The following NMNAT2 variants were observed in gnomAD, a reference collection of about 807,000 sequenced individuals.
The protein encoded by NMNAT2 is nicotinamide/nicotinic acid mononucleotide adenylyltransferase 2.
NMNAT2 carries 11 observed loss-of-function variants against 41.6 expected under a neutral mutation model. That is an observed-to-expected ratio of 0.26 (90% CI 0.17 to 0.44). The LOEUF (loss-of-function observed/expected upper bound fraction) is 0.44. Ranked by LOEUF, NMNAT2 falls within the 20% of genes least tolerant of loss-of-function variation. NMNAT2 has a pLI of 1.00. For synonymous variants in NMNAT2, 148 were observed against 151.2 expected (o/e 0.98, Z 0.16); for missense variants, 288 against 407.7 (o/e 0.71, Z 2.53).
chr1:183,407,393 T>C (rs369258298), intron 1 of NMNAT2, among the ~76,000 whole-genome samples: 2 of 152,206 alleles, frequency 1.3e-5, no homozygotes, highest in East Asian at 1.9e-4. Flanking sequence ...TTTTTTTGGT[T>C]CTGTCTTGCT....
At chr1:183,267,246 A>G (rs919766087) in intron 8 of NMNAT2, 2 of 152,262 alleles carry the variant, frequency 1.3e-5, no homozygotes, top group Non-Finnish European at 2.9e-5. Flanking sequence ...GCTGGTGGAT[A>G]AAAGCCACTG....
At chr1:183,286,940 G>A (rs761107224) in intron 4 of NMNAT2, 152 bp from the exon 5 acceptor site, 1 of 664,110 alleles carries the variant, frequency 1.5e-6, no homozygotes, top group Non-Finnish European at 2.4e-6. Flanking sequence ...GCTGCATCAT[G>A]TGGTCACTAG....
At chr1:183,295,773 C>T (rs1661674496) in intron 1 of NMNAT2, among the ~76,000 whole-genome samples, 1 of 152,114 alleles carries the variant, frequency 6.6e-6, no homozygotes, top group South Asian at 2.1e-4. Flanking sequence ...AGTATGTACC[C>T]TCTTTGGACT....
chr1:183,288,083 C>T (rs2480767), intron 4 of NMNAT2, among the ~76,000 whole-genome samples: 50,173 of 152,142 alleles, frequency 0.33, 8,418 homozygotes, highest in South Asian at 0.37. Context: ...TTTATTACTT[C>T]ACCACCAGAA....
chr1:183,395,713 C>T (rs548024073), intron 1 of NMNAT2, among the ~76,000 whole-genome samples: 1 of 152,228 alleles, frequency 6.6e-6, no homozygotes, highest in East Asian at 1.9e-4. Context: ...TCATTTAATT[C>T]TTACAACAGT....
intron 1 of NMNAT2, among the ~76,000 whole-genome samples, chr1:183,328,697 A>G (rs1662518282): frequency 6.6e-6 from 1 of 152,224 alleles, no homozygotes; most frequent in African/African-American, 2.4e-5. Flanking sequence ...CTGCACCAAC[A>G]AACCTTTGCC....
chr1:183,301,827 C>T (rs919970303), intron 1 of NMNAT2, among the ~76,000 whole-genome samples: 2 of 152,242 alleles, frequency 1.3e-5, no homozygotes, highest in African/African-American at 2.4e-5. Flanking sequence ...GTGTAATCTA[C>T]TCCTTCCTTC....
chr1:183,275,611 T>A (rs935628683), intron 8 of NMNAT2, among the ~76,000 whole-genome samples: 3 of 151,864 alleles, frequency 2.0e-5, no homozygotes, highest in Non-Finnish European at 4.4e-5. Context: ...ATGGGTGTCC[T>A]GGGACTCCAG....
intron 1 of NMNAT2, among the ~76,000 whole-genome samples, chr1:183,322,151 T>C (rs948948674): frequency 2.0e-5 from 3 of 152,168 alleles, no homozygotes; most frequent in Admixed American, 6.5e-5. Context: ...ATGCCTTTAA[T>C]AACCCTCACA....
intron 1 of NMNAT2, among the ~76,000 whole-genome samples, chr1:183,329,240 GTGTGTGTGTA>G (rs1017312652): frequency 6.6e-6 from 1 of 152,082 alleles, no homozygotes; most frequent in Non-Finnish European, 1.5e-5. Context: ...TTTTAATTGT[GTGTGTGTGTA>G]TGTGTGTGTG....
In NMNAT2 at chr1:183,249,390, A is replaced by G. The variant is rs1282140785; in HGVS notation, c.*3251T>C. 2.0e-5 allele frequency: 3 copies of G among 151,998 alleles called. No individual in the cohort carries two copies. Among genetic ancestry groups the G allele is most frequent in the Admixed American group, 1.3e-4 (2 of 15,256 alleles). The allele number at this position is 151,998 out of a possible 1,614,324, so 9.4% of individuals were successfully genotyped here. On this transcript the variant is annotated 3_prime_UTR_variant, in exon 11 of 11. Coordinates refer to ENST00000287713, the MANE Select transcript of NMNAT2 (RefSeq NM_015039.4). ...CCACTTTCAGAAAAATGGGAGAGAC[A>G]TTTTTTGCTGGTGAACAGGAAACAA...
chr1:183,280,450 C>T (rs980452967), intron 7 of NMNAT2, among the ~76,000 whole-genome samples: 9 of 151,964 alleles, frequency 5.9e-5, no homozygotes, highest in African/African-American at 1.9e-4. Flanking sequence ...TGCAGTGACA[C>T]GATCTTGGCT....
At chr1:183,304,636 C>G in intron 1 of NMNAT2, 1 of 1,600,602 alleles carries the variant, frequency 6.2e-7, no homozygotes, top group Non-Finnish European at 8.6e-7. Context: ...CTGCCCCGCC[C>G]TCATGCCATG....
intron 1 of NMNAT2, among the ~76,000 whole-genome samples, chr1:183,305,716 C>CTTTTT (rs5741563): frequency 4.9e-5 from 6 of 123,162 alleles, no homozygotes; most frequent in Admixed American, 8.9e-5. Context: ...CCTTTACAGC[C>CTTTTT]TTTTTTTTTT....
intron 1 of NMNAT2, among the ~76,000 whole-genome samples, chr1:183,386,266 A>G (rs902393594): frequency 2.6e-5 from 4 of 152,176 alleles, no homozygotes; most frequent in East Asian, 3.9e-4. Context: ...AAAGCCATAT[A>G]TATCCAAATA....
In NMNAT2 at chr1:183,290,477, T is replaced by C. The variant is rs960008668; in HGVS notation, c.243-271A>G. Among the ~76,000 whole-genome samples the C allele has an allele frequency of 3.4e-4, 52 of 152,146 alleles. 1 individual carries two copies. The highest frequency in any genetic ancestry group is 4.4e-5 in the Non-Finnish European group (3 of 68,026). ...TTCCAGCCTCAGCTCTTTGCAACTG[T>C]GTGGCTTTGGGAAAGTTATGTGATC... On this transcript the variant is annotated intron_variant, in intron 3 of 10. Transcript: ENST00000287713.
chr1:183,405,732 AAC>A (rs1236224221), intron 1 of NMNAT2, among the ~76,000 whole-genome samples: 1 of 152,194 alleles, frequency 6.6e-6, no homozygotes, highest in Non-Finnish European at 1.5e-5. Context: ...ACTTCAAGAG[AAC>A]TTGTTTTAAA....
At chr1:183,380,432 T>C (rs1019116409) in intron 1 of NMNAT2, among the ~76,000 whole-genome samples, 1 of 152,228 alleles carries the variant, frequency 6.6e-6, no homozygotes. Flanking sequence ...CTTAAGTGTA[T>C]AGTTCAATAC....
At position 183,257,373 on chromosome 1, in the gene NMNAT2, G is replaced by A. The variant is rs193108078; in HGVS notation, c.821+3629C>T. 4.6e-4 allele frequency among the ~76,000 whole-genome samples: 70 copies of A among 152,138 alleles called. 1 individual carries two copies. The highest frequency in any genetic ancestry group is 7.5e-4 in the Non-Finnish European group (51 of 67,986). ...GGAGAATCACTTGAACCCGGGACGC[G>A]GAGGTTGCAGTGAGCCAAGATCACG... is the stretch of plus-strand genomic sequence containing the variant. On this transcript the variant is annotated intron_variant, in intron 10 of 10. Transcript: ENST00000287713.
Sources: gnomAD v4.1 joint callset for allele counts (sites outside exome capture counted in the v4.1 genomes callset) on GRCh38, gnomAD v4.1.1 for gene constraint, MANE v1.5 for transcripts, NCBI Gene and HGNC (gene_info 2026-07-23, HGNC 2026-07-21) for gene names.